The following FSTL3 variants were observed in gnomAD, a reference collection of about 807,000 sequenced individuals.
The protein encoded by FSTL3 is follistatin like 3.
In FSTL3, 21 loss-of-function variants were observed where a neutral mutation model predicts 28.1. The ratio of observed to expected loss-of-function variants is 0.75; its 90% CI spans 0.53 to 1.08. The LOEUF is 1.08. Ranked by LOEUF, FSTL3 falls within the 50% of genes least tolerant of loss-of-function variation. The pLI, the probability that FSTL3 is intolerant of heterozygous loss-of-function variation, is 0.00. For synonymous variants in FSTL3, 199 were observed against 164.2 expected (o/e 1.21, Z -1.62); for missense variants, 400 against 380.9 (o/e 1.05, Z -0.42).
In FSTL3 at chr19:683,239, TCCTCCTCCAG is replaced by T. The variant is rs1349632654; in HGVS notation, c.*1544_*1553del. 2.6e-5 allele frequency: 6 copies of T among 232,770 alleles called. No individual in the cohort carries two copies. The highest frequency in any genetic ancestry group is 5.6e-5 in the Admixed American group (1 of 17,730). The allele number at this position is 232,770 out of a possible 1,614,324, so 14.4% of individuals were successfully genotyped here. On this transcript the variant is annotated 3_prime_UTR_variant, in exon 5 of 5. Transcript: ENST00000166139. ...GTGAGGAATGTGGGGAGCTTGGGCA[TCCTCCTCCAG>T]CCTCCTCCAGCCCCCAGGCAGTGCC...
chr19:678,517 TTTTTTTTTC>T (rs1365404546), intron 2 of FSTL3, among the ~76,000 whole-genome samples: 6 of 126,366 alleles, frequency 4.7e-5, no homozygotes, highest in South Asian at 3.0e-4. Context: ...TTTTTTTTTT[TTTTTTTTTC>T]CTGAGATGGA....
intron 1 of FSTL3, among the ~76,000 whole-genome samples, chr19:676,962 C>T (rs991123857): frequency 2.6e-4 from 39 of 152,206 alleles, no homozygotes; most frequent in African/African-American, 9.4e-4. Context: ...AGAGCTTTCC[C>T]GGGTCCTGGG....
intron 2 of FSTL3, among the ~76,000 whole-genome samples, chr19:679,558 C>T (rs1369872004): frequency 6.6e-6 from 1 of 152,236 alleles, no homozygotes; most frequent in Non-Finnish European, 1.5e-5. Flanking sequence ...TAGCTGCGAC[C>T]CGGCCTCAGT....
Position 681,366 on chromosome 19 carries a change from A to G in FSTL3, c.539A>G (p.Gln180Arg). 1 of 1,586,302 alleles carries G rather than the reference A, an allele frequency of 6.3e-7. No homozygotes were observed. The change falls in exon 4 of 5, where the codon CAG becomes CGG. Residue 180 changes from glutamine (Q) to arginine (R), a missense_variant. By Grantham distance (43) the Gln-to-Arg change is conservative. Coordinates refer to ENST00000166139, the MANE Select transcript of FSTL3 (RefSeq NM_005860.3). The part of the protein sequence containing the change: ...SCEHVVCPRP[Q>R]SCVVDQTGSA... The stretch of plus-strand genomic sequence containing the variant: ...GAGCACGTGGTGTGCCCGCGGCCAC[A>G]GTCGTGCGTCGTGGACCAGACGGGC...
chr19:683,378 AG>A lies in FSTL3; in HGVS notation c.*1671del, dbSNP rs2031380603. ...GGGCCCTGCCTCACCAAGGAAATAA[AG>A]ACTCAAGCCATTTTGGGGTGTCCAG... On this transcript the variant is annotated 3_prime_UTR_variant, in exon 5 of 5. Transcript: ENST00000166139. The A allele has an allele frequency of 8.8e-6, 1 of 113,246 alleles. No homozygotes were observed. Among genetic ancestry groups the A allele is most frequent in the Non-Finnish European group, 1.7e-5 (1 of 58,230 alleles). 7.0% of individuals were successfully genotyped at this position (113,246 alleles called of 1,614,324 possible). A position where few individuals can be genotyped will look rare whatever the true frequency, so the allele number is the denominator to read the frequency against.
In FSTL3 at chr19:683,086, C is replaced by T. The variant is rs374577132; in HGVS notation, c.*1378C>T. ...TGGTCTTGGGCCAGTTCTCCCACGACGGCTCACCCTCCCCTCCATCTGCGT... is the reference window on the plus strand; with the variant it reads ...TGGTCTTGGGCCAGTTCTCCCACGATGGCTCACCCTCCCCTCCATCTGCGT... On this transcript the variant is annotated 3_prime_UTR_variant, in exon 5 of 5. Transcript: ENST00000166139. 571 of 233,216 alleles carry T rather than the reference C, an allele frequency of 2.4e-3. 2 individuals carry two copies. The highest frequency in any genetic ancestry group is 0.012 in the African/African-American group (529 of 45,428). 14.4% of individuals were successfully genotyped at this position (233,216 alleles called of 1,614,324 possible). A position where few individuals can be genotyped will look rare whatever the true frequency, so the allele number is the denominator to read the frequency against.
intron 3 of FSTL3, 130 bp from the exon 4 acceptor site, chr19:681,203 G>A (rs1377452022): frequency 3.4e-6 from 2 of 588,922 alleles, no homozygotes; most frequent in Non-Finnish European, 5.9e-6. Flanking sequence ...CACGGGGGGC[G>A]GGGGGGTGCT....
At chr19:680,073 G>A (rs954230969) in intron 2 of FSTL3, 1 of 242,274 alleles carries the variant, frequency 4.1e-6, no homozygotes, top group African/African-American at 2.6e-5. Context: ...CGCGGACCTC[G>A]GCCCCACCGG....
At chr19:676,884 G>A (rs1568202059) in intron 1 of FSTL3, among the ~76,000 whole-genome samples, 1 of 144,318 alleles carries the variant, frequency 6.9e-6, no homozygotes, top group Admixed American at 6.9e-5. Context: ...AGCCGCGACC[G>A]TCCGGGTCGG....
chr19:681,699 C>T lies in FSTL3; in HGVS notation c.783C>T (p.Asn261=). 6.4e-7 allele frequency: 1 copy of T among 1,559,728 alleles called. No individual in the cohort carries two copies. The highest frequency in any genetic ancestry group is 8.7e-7 in the Non-Finnish European group (1 of 1,152,656). Residue 261 remains asparagine (N), a synonymous_variant, in exon 5 of 5, where the codon AAC becomes AAT. Transcript: ENST00000166139. ...GTGAGTCTGCAGAAGAGGAAGAGAA[C>T]TTCGTGTGAGCCTGCAGGACAGGCC... ...PGGESAEEEE[N]FV is the part of the protein sequence containing the mutation.
chr19:678,476 A>G (rs2031256475), intron 2 of FSTL3, among the ~76,000 whole-genome samples: 1 of 134,808 alleles, frequency 7.4e-6, no homozygotes, highest in South Asian at 2.4e-4. Flanking sequence ...AATGAATAAG[A>G]TTCTCCGCAC....
At position 683,185 on chromosome 19, in the gene FSTL3, C is replaced by T. The variant is rs1008693389; in HGVS notation, c.*1477C>T. 2 of 232,838 alleles carry T rather than the reference C, an allele frequency of 8.6e-6. No individual in the cohort carries two copies. Among genetic ancestry groups the T allele is most frequent in the Admixed American group, 5.6e-5 (1 of 17,752 alleles). The allele number at this position is 232,838 out of a possible 1,614,324, so 14.4% of individuals were successfully genotyped here. A position where few individuals can be genotyped will look rare whatever the true frequency, so the allele number is the denominator to read the frequency against. On this transcript the variant is annotated 3_prime_UTR_variant, in exon 5 of 5. Coordinates refer to ENST00000166139, the MANE Select transcript of FSTL3 (RefSeq NM_005860.3). ...GACCAGCTATGGGGAGAGGACAACA[C>T]GGAGGATATCCAGCTTCCCCGGTCT... is the stretch of plus-strand genomic sequence containing the variant.
chr19:678,190 G>A (rs1759221278), intron 2 of FSTL3: 4 of 562,284 alleles, frequency 7.1e-6, no homozygotes, highest in East Asian at 2.9e-5. Flanking sequence ...AAGAGACCAC[G>A]TGGCTCCAGC....
Position 677,803 on chromosome 19 carries a change from T to A in FSTL3, c.115T>A (p.Trp39Arg). The A allele has an allele frequency of 6.2e-7, 1 of 1,609,668 alleles. No homozygotes were observed. Among genetic ancestry groups the A allele is most frequent in the Non-Finnish European group, 8.5e-7 (1 of 1,179,540 alleles). The change falls in exon 2 of 5, where the codon TGG becomes AGG. Residue 39 changes from tryptophan (W) to arginine (R), a missense_variant. By Grantham distance (101) the Trp-to-Arg change is moderately radical. Coordinates refer to ENST00000166139, the MANE Select transcript of FSTL3 (RefSeq NM_005860.3). ...SGNPAPGGVC[W>R]LQQGQEATCS... ...TCCCCGGCCCGCAGGTGGTGTTTGC[T>A]GGCTCCAGCAGGGCCAGGAGGCCAC...
intron 2 of FSTL3, 130 bp from the exon 3 acceptor site, chr19:680,144 C>T: frequency 2.2e-6 from 1 of 457,610 alleles, no homozygotes; most frequent in East Asian, 4.3e-5. Flanking sequence ...TCCGACTGAC[C>T]CTGACCTGGG....
intron 2 of FSTL3, 105 bp from the exon 3 acceptor site, chr19:680,169 T>A: frequency 1.6e-6 from 1 of 631,824 alleles, no homozygotes; most frequent in Non-Finnish European, 2.3e-6. Context: ...CGCCCCCGCC[T>A]CCGCCCTGCA....
intron 2 of FSTL3, 110 bp downstream of exon 2, chr19:678,087 T>G (rs757345461): frequency 2.2e-4 from 219 of 1,004,852 alleles, no homozygotes; most frequent in Non-Finnish European, 3.0e-4. Context: ...CACAGGGGTA[T>G]GTAGGAGGCT....
At position 681,703 on chromosome 19, in the gene FSTL3, G is replaced by C. The variant is rs752009679; in HGVS notation, c.787G>C (p.Val263Leu). The change falls in exon 5 of 5, where the codon GTG becomes CTG. Residue 263 changes from valine (V) to leucine (L), a missense_variant. Val to Leu is a conservative substitution (Grantham distance 32). Coordinates refer to ENST00000166139, the MANE Select transcript of FSTL3 (RefSeq NM_005860.3). ...GTCTGCAGAAGAGGAAGAGAACTTC[G>C]TGTGAGCCTGCAGGACAGGCCTGGG... ...GESAEEEENF[V>L] 1.9e-6 allele frequency: 3 copies of C among 1,557,404 alleles called. No homozygotes were observed. The highest frequency in any genetic ancestry group is 1.9e-5 in the Admixed American group (1 of 51,878).
intron 1 of FSTL3, 53 bp from the exon 2 acceptor site, chr19:677,739 G>T: frequency 6.6e-7 from 1 of 1,521,978 alleles, no homozygotes; most frequent in East Asian, 2.4e-5. Context: ...GGGCGGGCCA[G>T]AAGCTGGGTG....
Sources: allele counts gnomAD v4.1 joint callset (sites outside exome capture counted in the v4.1 genomes callset), GRCh38; gene constraint gnomAD v4.1.1; transcripts MANE v1.5; gene names NCBI Gene and HGNC (gene_info 2026-07-23, HGNC 2026-07-21).